The following FAM53B variants were observed in gnomAD, a reference collection of about 807,000 sequenced individuals.
FAM53B encodes the protein protein FAM53B.
In FAM53B, 12 loss-of-function variants were observed where a neutral mutation model predicts 32.7. That is an observed-to-expected ratio of 0.37 (90% confidence interval 0.24 to 0.59). The LOEUF is 0.59. FAM53B is among the 20% of genes least tolerant of loss of function. The pLI is 0.72. For missense variants in FAM53B, 477 were observed against 577.7 expected (o/e 0.83, Z 1.79); for synonymous variants, 234 against 228.7 (o/e 1.02, Z -0.21).
chr10:124,623,560 T>C lies in FAM53B; in HGVS notation c.951A>G (p.Thr317=). The C allele has an allele frequency of 6.2e-7, 1 of 1,600,938 alleles. No homozygotes were observed. The highest frequency in any genetic ancestry group is 1.1e-5 in the South Asian group (1 of 89,046). ...AGGGGCTCTGGGGACCGCAGTCCTC[T>C]GTCCCTGCGCTCAGGCAGCTGAGGC... ...FSSLSCLSAG[T]EDCGPQSPFA... is the part of the protein sequence containing the mutation. Residue 317 remains threonine, a synonymous_variant, in exon 5 of 5, where the codon ACA becomes ACG. Transcript: ENST00000337318.
chr10:124,664,587 G>A (rs1949656767), intron 4 of FAM53B, among the ~76,000 whole-genome samples: 2 of 152,222 alleles, frequency 1.3e-5, no homozygotes, highest in South Asian at 4.1e-4. Flanking sequence ...CACAAAGCTA[G>A]CCAACTCTCC....
At chr10:124,731,864 AG>A (rs1442384855) in intron 1 of FAM53B, among the ~76,000 whole-genome samples, 1 of 152,168 alleles carries the variant, frequency 6.6e-6, no homozygotes, top group African/African-American at 2.4e-5. Context: ...TTCTTCCCAG[AG>A]GTGTGGGGGC....
intron 4 of FAM53B, among the ~76,000 whole-genome samples, chr10:124,640,199 C>CAGGTGCATTCTCAGGTGCGCCCACG (rs1564864601): frequency 1.3e-5 from 2 of 152,262 alleles, no homozygotes; most frequent in East Asian, 3.8e-4. Context: ...CACCTTGCTA[C>CAGGTGCATTCTCAGGTGCGCCCACG]AGGTGCATTC....
chr10:124,682,551 G>A lies in FAM53B; in HGVS notation c.134-172C>T, dbSNP rs572284826. ...AGATGAGAAATTGAGGCTGAGAGAG[G>A]AGAAGTGAATCCCAAGGCTTTGAGT... On this transcript the variant is annotated intron_variant, in intron 3 of 4. Coordinates refer to ENST00000337318, the MANE Select transcript of FAM53B (RefSeq NM_014661.4). This position sits in a 1 kb window ranked among gnomAD's most constrained non-coding sequence, Gnocchi z 5.2. 2.6e-5 allele frequency among the ~76,000 whole-genome samples: 4 copies of A among 152,186 alleles called. No homozygotes were observed. The highest frequency in any genetic ancestry group is 5.9e-5 in the Non-Finnish European group (4 of 68,038).
In FAM53B at chr10:124,650,417, C is replaced by T. The variant is rs78838463; in HGVS notation, c.907-26813G>A. 4.1e-4 allele frequency among the ~76,000 whole-genome samples: 63 copies of T among 152,296 alleles called. No homozygotes were observed. In the East Asian group the frequency reaches 0.011, roughly 27 times the overall value. ...GTGGTTTTGGCAGTGGTGCTTGTGACGCTGAAAGTAACGGTGGTTATGGTG... is the reference window on the plus strand; with the variant it reads ...GTGGTTTTGGCAGTGGTGCTTGTGATGCTGAAAGTAACGGTGGTTATGGTG... On this transcript the variant is annotated intron_variant, in intron 4 of 4. Transcript: ENST00000337318.
intron 4 of FAM53B, among the ~76,000 whole-genome samples, chr10:124,632,455 C>T (rs896473790): frequency 5.9e-5 from 9 of 152,226 alleles, no homozygotes; most frequent in Non-Finnish European, 1.3e-4. Context: ...TGCCTGCGCC[C>T]ACAGACCTTG....
chr10:124,654,114 T>A (rs1319849341), intron 4 of FAM53B, among the ~76,000 whole-genome samples: 2 of 152,214 alleles, frequency 1.3e-5, no homozygotes, highest in Non-Finnish European at 2.9e-5. Context: ...CTCTGGGAAC[T>A]CAGGTGCTAT....
intron 1 of FAM53B, among the ~76,000 whole-genome samples, chr10:124,732,954 C>A (rs1950153571): frequency 6.6e-6 from 1 of 152,196 alleles, no homozygotes; most frequent in Non-Finnish European, 1.5e-5. Flanking sequence ...GGTCATAACG[C>A]TCTTTCACTC....
chr10:124,721,699 T>C (rs914940690), intron 1 of FAM53B, among the ~76,000 whole-genome samples: 1 of 152,236 alleles, frequency 6.6e-6, no homozygotes, highest in African/African-American at 2.4e-5. Flanking sequence ...AGTCAACCTC[T>C]AGAGAGATGA....
chr10:124,630,096 C>T (rs1000599965), intron 4 of FAM53B, among the ~76,000 whole-genome samples: 52 of 152,216 alleles, frequency 3.4e-4, no homozygotes, highest in African/African-American at 1.1e-3. Context: ...CGCCCAGGGC[C>T]GTGTTGGTGC....
Position 124,733,525 on chromosome 10 carries a change from G to GA in FAM53B, c.-175+10487dup, listed in dbSNP as rs538386803. On this transcript the variant is annotated intron_variant, in intron 1 of 4. Transcript: ENST00000337318. This position sits in a 1 kb window ranked among gnomAD's most constrained non-coding sequence, Gnocchi z 4.3. ...TTAGGTGCCTGTTTTTCCCTTTAAA[G>GA]AAAAAAAAAAGGTAGTTTTACACTG... Among the ~76,000 whole-genome samples the GA allele has an allele frequency of 9.5e-4, 140 of 147,498 alleles. 3 individuals are homozygous for GA. In the South Asian group the frequency reaches 0.022, roughly 23 times the overall value.
intron 4 of FAM53B, among the ~76,000 whole-genome samples, chr10:124,627,148 G>T (rs1309383881): frequency 6.6e-6 from 1 of 152,190 alleles, no homozygotes; most frequent in Non-Finnish European, 1.5e-5. Context: ...CCAGCTGGTG[G>T]CGAGCCCCAC....
chr10:124,693,017 C>T (rs1212180589), intron 3 of FAM53B, among the ~76,000 whole-genome samples: 2 of 152,200 alleles, frequency 1.3e-5, no homozygotes, highest in African/African-American at 4.8e-5. Context: ...CACTGATCAG[C>T]ACCAGAACAT....
chr10:124,656,654 G>C (rs1377415832), intron 4 of FAM53B, among the ~76,000 whole-genome samples: 2 of 152,200 alleles, frequency 1.3e-5, no homozygotes, highest in African/African-American at 4.8e-5. Context: ...GGACAACAGG[G>C]TTGATGAGAT....
At chr10:124,708,502 T>C (rs1410370515) in intron 1 of FAM53B, among the ~76,000 whole-genome samples, 2 of 152,182 alleles carry the variant, frequency 1.3e-5, no homozygotes, top group African/African-American at 4.8e-5. Flanking sequence ...CAATACCACA[T>C]CGATCTAGAA....
chr10:124,696,306 G>C (rs1949869866), intron 2 of FAM53B, 94 bp from the exon 3 acceptor site: 3 of 1,079,824 alleles, frequency 2.8e-6, no homozygotes, highest in Admixed American at 3.5e-5. Context: ...CAATAAAAGG[G>C]TGACTGTCCT....
In FAM53B at chr10:124,623,495, A is replaced by T. The variant is rs964886489; in HGVS notation, c.1016T>A (p.Leu339Gln). The T allele has an allele frequency of 6.3e-7, 1 of 1,589,040 alleles. No homozygotes were observed. Among genetic ancestry groups the T allele is most frequent in the Admixed American group, 1.8e-5 (1 of 55,640 alleles). Residue 339 changes from leucine to glutamine, a missense_variant, in exon 5 of 5, where the codon CTG becomes CAG. Leu to Gln is a moderately radical substitution (Grantham distance 113). Around this residue, in one of 2 missense-constraint regions of FAM53B, gnomAD observed 165 missense variants for 157.5 expected, o/e 1.05. Transcript: ENST00000337318. ...GCCCCCTGGGCCGGAGGCTGAGAGC[A>T]GGGCGGTCCAGGCCCTGGTGTTGCT... The part of the protein sequence containing the change: ...HVSNTRAWTA[L>Q]LSASGPGGRT...
chr10:124,684,388 A>AC (rs1269896725), intron 3 of FAM53B, among the ~76,000 whole-genome samples: 2 of 152,244 alleles, frequency 1.3e-5, no homozygotes, highest in Non-Finnish European at 2.9e-5. Context: ...CTCTTCCTGC[A>AC]AGTTGCTTTA....
chr10:124,708,918 G>T (rs780815550), intron 1 of FAM53B, among the ~76,000 whole-genome samples: 1 of 152,252 alleles, frequency 6.6e-6, no homozygotes, highest in Admixed American at 6.5e-5. Flanking sequence ...TACATTGTTT[G>T]AGTGGCCTTT....
Sources: gnomAD v4.1 joint callset for allele counts (sites outside exome capture counted in the v4.1 genomes callset) on GRCh38, gnomAD v4.1.1 for gene constraint, gnomAD v4.1.1 regional missense constraint, Gnocchi (gnomAD v3.1) non-coding constraint, MANE v1.5 for transcripts, NCBI Gene and HGNC (gene_info 2026-07-23, HGNC 2026-07-21) for gene names.